SNTG2: variants seen among roughly 807,000 people sequenced by gnomAD.
SNTG2 encodes syntrophin gamma 2.
SNTG2 carries 74 observed loss-of-function variants against 70.9 expected under a neutral mutation model. The ratio of observed to expected loss-of-function variants is 1.04; its 90% CI spans 0.86 to 1.27. The LOEUF is 1.27. Ranked by LOEUF, SNTG2 falls within the 50% of genes most tolerant of loss-of-function variation. The pLI is 0.00. For synonymous variants in SNTG2, 278 were observed against 273.8 expected, an observed-to-expected ratio of 1.02 and a Z score of -0.15; for missense variants, 717 against 690.7, an observed-to-expected ratio of 1.04 and a Z score of -0.43.
At chr2:1,305,177 T>C (rs187816183) in intron 14 of SNTG2, among the ~76,000 whole-genome samples, 1 of 152,236 alleles carries the variant, frequency 6.6e-6, no homozygotes. Context: ...GTTCTGCATA[T>C]ACCTTTTCTC....
At chr2:1,171,111 G>T (rs1671097098) in intron 7 of SNTG2, among the ~76,000 whole-genome samples, 1 of 152,054 alleles carries the variant, frequency 6.6e-6, no homozygotes, top group African/African-American at 2.4e-5. Flanking sequence ...AATAAACTAA[G>T]TCTATTTTTC....
chr2:1,244,298 C>G (rs62108685), intron 11 of SNTG2, among the ~76,000 whole-genome samples: 14,844 of 152,230 alleles, frequency 0.098, 794 homozygotes, highest in South Asian at 0.15. Flanking sequence ...TGATTATTCT[C>G]TACTCCTCCC....
chr2:1,136,694 T>C (rs1464566017), intron 4 of SNTG2, among the ~76,000 whole-genome samples: 1 of 151,874 alleles, frequency 6.6e-6, no homozygotes, highest in Admixed American at 6.5e-5. Context: ...GAAACAAACC[T>C]ATGTGAAGGC....
chr2:1,221,160 C>T (rs958025430), intron 9 of SNTG2, among the ~76,000 whole-genome samples: 1 of 152,234 alleles, frequency 6.6e-6, no homozygotes, highest in Non-Finnish European at 1.5e-5. Context: ...TTCTCTGGGG[C>T]AGTGGTCCCC....
intron 16 of SNTG2, among the ~76,000 whole-genome samples, chr2:1,329,915 G>A (rs1659431146): frequency 6.6e-6 from 1 of 152,198 alleles, no homozygotes; most frequent in Non-Finnish European, 1.5e-5. Context: ...ACAAAGAAAA[G>A]AGCATTTCCA....
intron 8 of SNTG2, among the ~76,000 whole-genome samples, chr2:1,186,365 A>G (rs1330925972): frequency 1.3e-5 from 2 of 152,210 alleles, no homozygotes; most frequent in African/African-American, 4.8e-5. Context: ...GCCATTACCC[A>G]GTTCCAAAGT....
At chr2:1,279,047 C>T (rs1170477961) in intron 14 of SNTG2, among the ~76,000 whole-genome samples, 2 of 107,848 alleles carry the variant, frequency 1.9e-5, no homozygotes, top group African/African-American at 6.1e-5. Context: ...CCTGTCAGTG[C>T]GCGATTCACC....
At chr2:1,028,065 C>T (rs944499852) in intron 1 of SNTG2, among the ~76,000 whole-genome samples, 3 of 151,160 alleles carry the variant, frequency 2.0e-5, no homozygotes, top group African/African-American at 7.3e-5. Flanking sequence ...GCAGGTGCAT[C>T]ATTGAAGGTG....
intron 4 of SNTG2, among the ~76,000 whole-genome samples, chr2:1,110,469 A>C (rs1280270574): frequency 6.6e-6 from 1 of 152,080 alleles, no homozygotes; most frequent in Non-Finnish European, 1.5e-5. Flanking sequence ...TTCTCCCCTA[A>C]TACCTTCTCC....
At chr2:1,213,990 C>G (rs2148005129) in intron 9 of SNTG2, among the ~76,000 whole-genome samples, 1 of 152,260 alleles carries the variant, frequency 6.6e-6, no homozygotes, top group East Asian at 1.9e-4. Context: ...TCTCTGAACA[C>G]CATATATGGA....
chr2:1,205,298 C>G (rs577512975), intron 8 of SNTG2, among the ~76,000 whole-genome samples: 3 of 152,234 alleles, frequency 2.0e-5, no homozygotes, highest in South Asian at 2.1e-4. Context: ...TTTCCAGTAA[C>G]TTTATAAAGA....
At chr2:961,624 T>C (rs976909413) in intron 1 of SNTG2, among the ~76,000 whole-genome samples, 2 of 152,252 alleles carry the variant, frequency 1.3e-5, no homozygotes, top group African/African-American at 4.8e-5. Flanking sequence ...TGTAGGCTTA[T>C]GTTGTGTCTG....
chr2:1,169,448 A>C (rs145303418), intron 7 of SNTG2, among the ~76,000 whole-genome samples: 86 of 152,310 alleles, frequency 5.6e-4, no homozygotes, highest in African/African-American at 1.9e-3. Flanking sequence ...CAACAGCAGC[A>C]GCAACACTGC....
At chr2:1,162,998 G>C (rs921784961) in intron 6 of SNTG2, among the ~76,000 whole-genome samples, 12 of 152,208 alleles carry the variant, frequency 7.9e-5, no homozygotes, top group Non-Finnish European at 1.5e-4. Context: ...GAAGAGGCCT[G>C]ACTCAGCCCT....
chr2:1,185,096 G>A (rs1381417298), intron 8 of SNTG2, among the ~76,000 whole-genome samples: 1 of 152,162 alleles, frequency 6.6e-6, no homozygotes, highest in Non-Finnish European at 1.5e-5. Context: ...CAGGCCCCAT[G>A]CAAGTCTGAA....
rs140711979 is a variant in SNTG2 at position 1,331,882 on chromosome 2, A to T, written c.1488+15507A>T. Reference sequence around the variant, plus strand: ...CACACTCCTGGGCAGGGTACCAGGAAGGCCTGAAGTTCATGCCCTGGCGCG... The same window carrying T: ...CACACTCCTGGGCAGGGTACCAGGATGGCCTGAAGTTCATGCCCTGGCGCG... On this transcript the variant is annotated intron_variant, in intron 16 of 16. Coordinates refer to ENST00000308624, the MANE Select transcript of SNTG2 (RefSeq NM_018968.4). 4.9e-3 allele frequency among the ~76,000 whole-genome samples: 749 copies of T among 152,330 alleles called. 4 individuals carry two copies. Among genetic ancestry groups the T allele is most frequent in the African/African-American group, 0.017 (707 of 41,568 alleles).
At chr2:1,109,434 G>A (rs1008729880) in intron 4 of SNTG2, among the ~76,000 whole-genome samples, 2 of 152,116 alleles carry the variant, frequency 1.3e-5, no homozygotes, top group Admixed American at 6.6e-5. Flanking sequence ...AGGAATTCCT[G>A]ACATTGATAC....
In SNTG2 at chr2:1,028,577, C is replaced by G. The variant is rs59972159; in HGVS notation, c.73-54941C>G. Among the ~76,000 whole-genome samples, 1,204 of 152,298 alleles carry G rather than the reference C, an allele frequency of 7.9e-3. 17 individuals are homozygous for G. Among genetic ancestry groups the G allele is most frequent in the African/African-American group, 0.027 (1,116 of 41,570 alleles). On this transcript the variant is annotated intron_variant, in intron 1 of 16. Coordinates refer to ENST00000308624, the MANE Select transcript of SNTG2 (RefSeq NM_018968.4). ...AATGTCCAAACCTTCTCAGCTTTCTCTTCTTTGAAAGGTCCAGAAACCCTC... is the reference window on the plus strand; with the variant it reads ...AATGTCCAAACCTTCTCAGCTTTCTGTTCTTTGAAAGGTCCAGAAACCCTC...
At chr2:1,151,639 G>A (rs988158297) in intron 6 of SNTG2, among the ~76,000 whole-genome samples, 1 of 152,054 alleles carries the variant, frequency 6.6e-6, no homozygotes, top group African/African-American at 2.4e-5. Context: ...AGATTTTTAT[G>A]ACTTATATTA....
Sources: gnomAD v4.1 joint callset for allele counts (sites outside exome capture counted in the v4.1 genomes callset) on GRCh38, gnomAD v4.1.1 for gene constraint, MANE v1.5 for transcripts, NCBI Gene and HGNC (gene_info 2026-07-23, HGNC 2026-07-21) for gene names.